Variants in KSR2 observed in about 807,000 individuals in gnomAD.
KSR2 encodes the protein kinase suppressor of ras 2.
Under a neutral mutation model 107.8 loss-of-function variants are expected in KSR2, and 25 were observed. That is an observed-to-expected ratio of 0.23 (90% CI 0.17 to 0.32). The LOEUF (loss-of-function observed/expected upper bound fraction) is 0.32, where lower values mean the gene tolerates loss of function less well. KSR2 is among the 10% of genes least tolerant of loss of function. KSR2 has a pLI of 1.00. For synonymous variants in KSR2, 480 were observed against 507.0 expected (o/e 0.95, Z 0.71); for missense variants, 887 against 1,268.9 (o/e 0.70, Z 4.57).
At chr12:117,600,827 G>A (rs1347958211) in intron 5 of KSR2, among the ~76,000 whole-genome samples, 2 of 152,294 alleles carry the variant, frequency 1.3e-5, no homozygotes, top group Non-Finnish European at 2.9e-5. Flanking sequence ...ACCCTGGGGA[G>A]AGGGCAGGCA....
intron 5 of KSR2, among the ~76,000 whole-genome samples, chr12:117,588,722 T>C (rs1400590): frequency 0.17 from 26,274 of 152,222 alleles, 2,509 homozygotes; most frequent in Non-Finnish European, 0.22. Context: ...ACATTATAAC[T>C]GTTTCACAGA....
At chr12:117,642,602 C>G (rs963273049) in intron 5 of KSR2, among the ~76,000 whole-genome samples, 1 of 152,324 alleles carries the variant, frequency 6.6e-6, no homozygotes, top group South Asian at 2.1e-4. Context: ...GACTCAGACT[C>G]CACCTTCCCC....
chr12:117,761,802 C>T (rs529580517), intron 3 of KSR2, among the ~76,000 whole-genome samples: 8 of 152,252 alleles, frequency 5.3e-5, no homozygotes, highest in Admixed American at 1.3e-4. Context: ...ATATCATATG[C>T]ATGTTACACT....
In KSR2 at chr12:117,741,137, C is replaced by A. The variant is rs1451903069; in HGVS notation, c.986+19874G>T. ...TAGAAGGGGCTTCTGCTGGCCAAATCTGGGACAATTTGAGCATCAAAATAA... is the reference window on the plus strand; with the variant it reads ...TAGAAGGGGCTTCTGCTGGCCAAATATGGGACAATTTGAGCATCAAAATAA... On this transcript the variant is annotated intron_variant, in intron 4 of 19. Coordinates refer to ENST00000339824, the MANE Select transcript of KSR2 (RefSeq NM_173598.6). Among the ~76,000 whole-genome samples, 6 of 152,154 alleles carry A rather than the reference C, an allele frequency of 3.9e-5. No homozygotes were observed. The East Asian group carries it at 1.2e-3, about 29-fold the overall frequency.
At position 117,617,597 on chromosome 12, in the gene KSR2, G is replaced by C. The variant is rs188533408; in HGVS notation, c.1172-35238C>G. On this transcript the variant is annotated intron_variant, in intron 5 of 19. Coordinates refer to ENST00000339824, the MANE Select transcript of KSR2 (RefSeq NM_173598.6). Reference sequence around the variant, plus strand: ...TGAATGAAAGAAGCCAGATGCAAAAGAGTATATACTGTATGAAGCAATTTA... The same window carrying C: ...TGAATGAAAGAAGCCAGATGCAAAACAGTATATACTGTATGAAGCAATTTA... Among the ~76,000 whole-genome samples the C allele has an allele frequency of 3.3e-5, 5 of 152,280 alleles. No homozygotes were observed. The East Asian group carries it at 7.7e-4, about 23-fold the overall frequency.
At chr12:117,860,167 A>T in intron 2 of KSR2, 124 bp downstream of exon 2, 1 of 961,936 alleles carries the variant, frequency 1.0e-6, no homozygotes, top group Non-Finnish European at 1.5e-6. Context: ...GCACATATTT[A>T]TTGAGAGCCT....
intron 9 of KSR2, among the ~76,000 whole-genome samples, chr12:117,540,498 A>G (rs978681399): frequency 3.9e-5 from 6 of 152,232 alleles, no homozygotes; most frequent in African/African-American, 1.4e-4. Context: ...TCTGAATCTG[A>G]TCATATTTAA....
chr12:117,598,518 T>G (rs1173450909), intron 5 of KSR2, among the ~76,000 whole-genome samples: 2 of 152,222 alleles, frequency 1.3e-5, no homozygotes, highest in Non-Finnish European at 2.9e-5. Flanking sequence ...GGTTCTACTT[T>G]TAGTTCTTTA....
intron 4 of KSR2, among the ~76,000 whole-genome samples, chr12:117,748,069 T>A (rs778910233): frequency 6.7e-6 from 1 of 148,230 alleles, no homozygotes; most frequent in African/African-American, 2.5e-5. Flanking sequence ...CATCAGCGGA[T>A]GAATGGATAA....
At chr12:117,610,440 A>G (rs943289088) in intron 5 of KSR2, among the ~76,000 whole-genome samples, 1 of 152,162 alleles carries the variant, frequency 6.6e-6, no homozygotes, top group Non-Finnish European at 1.5e-5. Context: ...TGCAGCCATT[A>G]AAAATGATCC....
At chr12:117,532,608 T>C (rs1875734590) in intron 10 of KSR2, among the ~76,000 whole-genome samples, 1 of 152,208 alleles carries the variant, frequency 6.6e-6, no homozygotes, top group South Asian at 2.1e-4. Context: ...AATTAACCTC[T>C]GTATTTAGGA....
intron 5 of KSR2, among the ~76,000 whole-genome samples, chr12:117,658,220 G>C (rs887549216): frequency 1.3e-5 from 2 of 152,204 alleles, no homozygotes; most frequent in Non-Finnish European, 2.9e-5. Flanking sequence ...ATGAACAGTG[G>C]GAGACTGTGG....
chr12:117,882,193 T>C (rs1004095199), intron 1 of KSR2, among the ~76,000 whole-genome samples: 3 of 152,046 alleles, frequency 2.0e-5, no homozygotes, highest in African/African-American at 7.2e-5. Context: ...CAGGGGGCAA[T>C]AGGCACCATA....
At position 117,761,349 on chromosome 12, in the gene KSR2, G is replaced by C. The variant is rs374977823; in HGVS notation, c.648C>G (p.Pro216=). 1 of 1,584,470 alleles carries C rather than the reference G, an allele frequency of 6.3e-7. No homozygotes were observed. The highest frequency in any genetic ancestry group is 2.0e-5 in the Admixed American group (1 of 50,378). The change falls in exon 4 of 20, where the codon CCC becomes CCG. Residue 216 remains proline, a synonymous_variant. Transcript: ENST00000339824. ...CCACGTGGGTGTACACAGGGGCCCC[G>C]GGAGTGGGGCTGGTGTGACAATAGT... ...VQHYCHTSPT[P]GAPVYTHVDR...
intron 1 of KSR2, among the ~76,000 whole-genome samples, chr12:117,894,691 C>T (rs1200367748): frequency 7.3e-6 from 1 of 136,150 alleles, no homozygotes; most frequent in Admixed American, 7.5e-5. Context: ...GCACTTCCCC[C>T]TCCCCCTCCC....
intron 4 of KSR2, among the ~76,000 whole-genome samples, chr12:117,717,375 T>C (rs1887024735): frequency 6.6e-6 from 1 of 151,988 alleles, no homozygotes; most frequent in Non-Finnish European, 1.5e-5. Context: ...CAAAATTAGC[T>C]AAGCATGGTG....
intron 1 of KSR2, among the ~76,000 whole-genome samples, chr12:117,929,104 C>CAATT (rs1039969557): frequency 4.6e-5 from 7 of 152,186 alleles, no homozygotes; most frequent in Non-Finnish European, 7.3e-5. Flanking sequence ...CTCTGCATCT[C>CAATT]AATTACTTCA....
At chr12:117,493,660 T>C (rs1324887581) in intron 14 of KSR2, among the ~76,000 whole-genome samples, 1 of 152,096 alleles carries the variant, frequency 6.6e-6, no homozygotes, top group Non-Finnish European at 1.5e-5. Context: ...ACGAACTGTC[T>C]CCCCCTCCAG....
chr12:117,640,971 A>T (rs1444615260), intron 5 of KSR2, among the ~76,000 whole-genome samples: 5 of 152,038 alleles, frequency 3.3e-5, no homozygotes, highest in Non-Finnish European at 5.9e-5. Context: ...GTCAAGGCTG[A>T]AGACATGCCC....
Sources: gnomAD v4.1 joint callset for allele counts (sites outside exome capture counted in the v4.1 genomes callset) on GRCh38, gnomAD v4.1.1 for gene constraint, MANE v1.5 for transcripts, NCBI Gene and HGNC (gene_info 2026-07-23, HGNC 2026-07-21) for gene names.